FOXP1: variants seen among roughly 807,000 people sequenced by gnomAD.
FOXP1 encodes forkhead box P1, also known as forkhead box protein P1.
In FOXP1, 15 loss-of-function variants were observed where a neutral mutation model predicts 98.2. That is an observed-to-expected ratio of 0.15 (90% CI 0.10 to 0.24). FOXP1 has a LOEUF of 0.24. Ranked by LOEUF, FOXP1 falls within the 10% of genes least tolerant of loss-of-function variation. The probability of loss-of-function intolerance (pLI) is 1.00; values close to 1 mark genes in which losing one functional copy is unlikely to be tolerated. For missense variants in FOXP1, 633 were observed against 848.5 expected (o/e 0.75, Z 3.15); for synonymous variants, 371 against 314.5 (o/e 1.18, Z -1.90).
intron 13 of FOXP1, among the ~76,000 whole-genome samples, chr3:70,998,520 T>A (rs1442571710): frequency 6.6e-6 from 1 of 152,142 alleles, no homozygotes; most frequent in Non-Finnish European, 1.5e-5. Flanking sequence ...ATGGAACACG[T>A]CAGAATTAGC....
At chr3:71,571,731 A>G (rs965696240) in intron 2 of FOXP1, 3 of 152,226 alleles carry the variant, frequency 2.0e-5, no homozygotes, top group African/African-American at 7.2e-5. Context: ...AATATGTTCT[A>G]TCCACTCGAA....
intron 11 of FOXP1, among the ~76,000 whole-genome samples, chr3:71,030,884 G>T (rs1386889477): frequency 2.6e-5 from 4 of 152,040 alleles, no homozygotes; most frequent in Non-Finnish European, 1.5e-5. Flanking sequence ...TCATAAATCT[G>T]ACTCATATGG....
chr3:71,163,595 G>A (rs2061252593), intron 6 of FOXP1, among the ~76,000 whole-genome samples: 1 of 152,074 alleles, frequency 6.6e-6, no homozygotes, highest in Admixed American at 6.6e-5. Flanking sequence ...AATCGTGCTG[G>A]CCAAGCAAGA....
At chr3:71,231,079 C>T (rs1576491765) in intron 5 of FOXP1, among the ~76,000 whole-genome samples, 2 of 152,242 alleles carry the variant, frequency 1.3e-5, no homozygotes, top group African/African-American at 4.8e-5. Context: ...TGTTAAGTAA[C>T]AGATCATTTT....
intron 3 of FOXP1, among the ~76,000 whole-genome samples, chr3:71,434,707 G>C (rs180851114): frequency 1.1e-4 from 16 of 151,092 alleles, no homozygotes; most frequent in African/African-American, 3.9e-4. Context: ...GACTTAAATG[G>C]TGTAGAGTAG....
intron 11 of FOXP1, among the ~76,000 whole-genome samples, chr3:71,020,659 T>C (rs188205405): frequency 2.3e-4 from 35 of 152,336 alleles, no homozygotes; most frequent in African/African-American, 8.2e-4. Context: ...GACCTTGCTA[T>C]CTGCCAAGCC....
At position 70,977,701 on chromosome 3, in the gene FOXP1, T is replaced by C; in HGVS notation, c.1370A>G (p.Glu457Gly). 1.9e-6 allele frequency: 3 copies of C among 1,614,190 alleles called. No individual in the cohort carries two copies. Among genetic ancestry groups the C allele is most frequent in the Non-Finnish European group, 2.5e-6 (3 of 1,180,014 alleles). The change falls in exon 16 of 21, where the codon GAA (glutamate) becomes GGA (glycine). Residue 457 changes from glutamate to glycine, a missense_variant. By Grantham distance (98) the Glu-to-Gly change is moderately conservative (BLOSUM62 -2). Around this residue, in one of 6 missense-constraint regions of FOXP1, gnomAD observed 141 missense variants for 199.5 expected, o/e 0.71. Transcript: ENST00000649528. The stretch of plus-strand genomic sequence containing the variant: ...TCTAACTTCTGCGTTCTTATAAAAT[T>C]CTTGGTTCTGCGCAATATCTGCTGA... The part of the protein sequence containing the change: ...ISSADIAQNQ[E>G]FYKNAEVRPP...
intron 11 of FOXP1, among the ~76,000 whole-genome samples, chr3:71,039,759 A>T (rs2048089482): frequency 6.6e-6 from 1 of 150,908 alleles, no homozygotes; most frequent in Non-Finnish European, 1.5e-5. Flanking sequence ...CTTTCTTGAA[A>T]AAAAAAAAAA....
intron 3 of FOXP1, among the ~76,000 whole-genome samples, chr3:71,394,758 G>A (rs2081259589): frequency 6.6e-6 from 1 of 151,980 alleles, no homozygotes; most frequent in South Asian, 2.1e-4. Flanking sequence ...GATTTGTTTG[G>A]GGACTCCAAT....
At chr3:71,239,632 T>C (rs1172025159) in intron 5 of FOXP1, among the ~76,000 whole-genome samples, 3 of 152,202 alleles carry the variant, frequency 2.0e-5, no homozygotes, top group African/African-American at 7.2e-5. Context: ...ATTATAGCCA[T>C]AGTACAAGTA....
At chr3:71,420,491 G>A (rs2083552638) in intron 3 of FOXP1, among the ~76,000 whole-genome samples, 1 of 152,112 alleles carries the variant, frequency 6.6e-6, no homozygotes, top group African/African-American at 2.4e-5. Context: ...TTCCTATCAT[G>A]GGACTCCTTA....
chr3:70,959,450 G>A (rs2032680260), intron 20 of FOXP1, 59 bp from the exon 21 acceptor site: 3 of 1,603,930 alleles, frequency 1.9e-6, no homozygotes, highest in East Asian at 2.2e-5. Context: ...CAGCTCAGGT[G>A]CACTGAAAAG....
intron 19 of FOXP1, among the ~76,000 whole-genome samples, chr3:70,967,689 T>TTTTTTTTTTG (rs1559585713): frequency 5.3e-5 from 4 of 75,988 alleles, no homozygotes; most frequent in African/African-American, 3.2e-4. Flanking sequence ...TATTATTTGT[T>TTTTTTTTTTG]TTTTTTTTTT....
At chr3:71,125,189 A>G (rs2059075387) in intron 6 of FOXP1, among the ~76,000 whole-genome samples, 1 of 152,208 alleles carries the variant, frequency 6.6e-6, no homozygotes, top group Admixed American at 6.5e-5. Context: ...TGGTGATACT[A>G]TCAATGAAGA....
At chr3:71,410,315 A>G (rs1468812267) in intron 3 of FOXP1, among the ~76,000 whole-genome samples, 1 of 152,246 alleles carries the variant, frequency 6.6e-6, no homozygotes, top group East Asian at 1.9e-4. Flanking sequence ...TACTGAATCA[A>G]CTGCCCACAA....
At chr3:71,484,064 C>T (rs1254194629) in intron 3 of FOXP1, among the ~76,000 whole-genome samples, 1 of 152,104 alleles carries the variant, frequency 6.6e-6, no homozygotes, top group East Asian at 1.9e-4. Flanking sequence ...AGTAAACTAC[C>T]CTGATACCTT....
intron 3 of FOXP1, among the ~76,000 whole-genome samples, chr3:71,396,712 T>TAAAAAAAA (rs2081396125): frequency 7.0e-6 from 1 of 143,056 alleles, no homozygotes; most frequent in African/African-American, 3.0e-5. Context: ...AAAAAATGTT[T>TAAAAAAAA]AAGAAGACAG....
intron 4 of FOXP1, among the ~76,000 whole-genome samples, chr3:71,338,122 G>A (rs2076798917): frequency 6.6e-6 from 1 of 152,180 alleles, no homozygotes; most frequent in Non-Finnish European, 1.5e-5. Context: ...TTCTAAGCAG[G>A]ATAAATGACA....
chr3:70,965,974 A>G lies in FOXP1; in HGVS notation c.1805T>C (p.Ile602Thr), dbSNP rs369021347. The change falls in exon 20 of 21, where the codon ATA becomes ACA. Residue 602 changes from isoleucine to threonine, a missense_variant. Transcript: ENST00000649528. ...CATTGCCCCGTTCAGCTCTTCCCGT[A>G]TTGCGCTGGCTAAGTTGCCCAGAGT... ...NPTLGNLASA[I>T]REELNGAMEH... The G allele has an allele frequency of 3.7e-6, 6 of 1,613,954 alleles. No individual in the cohort carries two copies. Among genetic ancestry groups the G allele is most frequent in the Admixed American group, 1.7e-5 (1 of 59,990 alleles).
Sources: allele counts gnomAD v4.1 joint callset (sites outside exome capture counted in the v4.1 genomes callset), GRCh38; gene constraint gnomAD v4.1.1; regional missense constraint gnomAD v4.1.1; transcripts MANE v1.5; gene names NCBI Gene and HGNC (gene_info 2026-07-23, HGNC 2026-07-21).